Variants in PLXNA1 observed in about 807,000 individuals in gnomAD.
The protein encoded by PLXNA1 is plexin A1.
In PLXNA1, 77 loss-of-function variants were observed where a neutral mutation model predicts 191.7. The ratio of observed to expected loss-of-function variants is 0.40; its 90% CI spans 0.33 to 0.49. The LOEUF (loss-of-function observed/expected upper bound fraction) is 0.49, where lower values mean the gene tolerates loss of function less well. Among genes scored for constraint, PLXNA1 ranks in the 20% least tolerant of loss-of-function variants. The pLI is 0.63. For synonymous variants in PLXNA1, 1,137 were observed against 1,156.4 expected (o/e 0.98, Z 0.34); for missense variants, 2,110 against 2,660.2 (o/e 0.79, Z 4.55).
In PLXNA1 at chr3:127,035,512, G is replaced by A. The variant is rs1252923591; in HGVS notation, c.*1495G>A. On this transcript the variant is annotated 3_prime_UTR_variant, in exon 32 of 32. Coordinates refer to ENST00000393409, the MANE Select transcript of PLXNA1 (RefSeq NM_032242.4). ...AGCCTCTGGGGTGCCGCGGCACCAC[G>A]GGGCATGCATGATTGTGCTAGCGTT... The A allele has an allele frequency of 6.6e-6, 1 of 152,518 alleles. No homozygotes were observed. The highest frequency in any genetic ancestry group is 1.5e-5 in the Non-Finnish European group (1 of 68,018). 9.4% of individuals were successfully genotyped at this position (152,518 alleles called of 1,614,324 possible). A position where few individuals can be genotyped will look rare whatever the true frequency, so the allele number is the denominator to read the frequency against.
chr3:127,017,548 C>G lies in PLXNA1; in HGVS notation c.3400C>G (p.Arg1134Gly), dbSNP rs199655040. 33 of 1,613,596 alleles carry G rather than the reference C, an allele frequency of 2.0e-5. No individual in the cohort carries two copies. The highest frequency in any genetic ancestry group is 4.4e-5 in the South Asian group (4 of 91,088). ...GCTGGGCTTCGTCATGGACAACGTG[C>G]GCTCCCTGCTTGTGCTCAACTCCAC... ...DELGFVMDNV[R>G]SLLVLNSTSF... The change falls in exon 18 of 32, where the codon CGC becomes GGC. Residue 1134 changes from arginine to glycine, a missense_variant. Arg to Gly is a moderately radical substitution (Grantham distance 125, BLOSUM62 -2). Coordinates refer to ENST00000393409, the MANE Select transcript of PLXNA1 (RefSeq NM_032242.4).
intron 15 of PLXNA1, among the ~76,000 whole-genome samples, chr3:127,016,292 A>T (rs2079123113): frequency 6.6e-6 from 1 of 152,080 alleles, no homozygotes; most frequent in Non-Finnish European, 1.5e-5. Flanking sequence ...CGGGTCCCAA[A>T]TGCCAGGCTG....
At chr3:127,016,772 C>T in intron 16 of PLXNA1, 88 bp downstream of exon 16, 1 of 1,491,770 alleles carries the variant, frequency 6.7e-7, no homozygotes, top group Non-Finnish European at 9.3e-7. Context: ...TTGGCGGTGG[C>T]CCTCCTGCAT....
chr3:127,029,617 A>G (rs1221384457), intron 27 of PLXNA1, 81 bp downstream of exon 27: 1 of 1,459,216 alleles, frequency 6.9e-7, no homozygotes, highest in Non-Finnish European at 9.6e-7. Flanking sequence ...CCCACGCTGC[A>G]GCAGCCGGAC....
At chr3:126,988,454 G>A in intron 1 of PLXNA1, 67 bp from the exon 2 acceptor site, 1 of 802,700 alleles carries the variant, frequency 1.2e-6, no homozygotes. Flanking sequence ...GGCTCACACT[G>A]GGAGATCATA....
chr3:126,991,356 G>A (rs2078989145), intron 2 of PLXNA1, 28 bp from the exon 3 acceptor site: 2 of 1,609,476 alleles, frequency 1.2e-6, no homozygotes, highest in Non-Finnish European at 1.7e-6. Flanking sequence ...TGCCCGGGGA[G>A]TGGCTCTCAC....
chr3:127,025,002 G>A (rs1284588364), intron 23 of PLXNA1, among the ~76,000 whole-genome samples: 1 of 152,128 alleles, frequency 6.6e-6, no homozygotes, highest in East Asian at 1.9e-4. Context: ...CACATGCACA[G>A]TCTCCCCACT....
At chr3:127,000,729 T>C (rs2079036234) in intron 3 of PLXNA1, among the ~76,000 whole-genome samples, 1 of 152,200 alleles carries the variant, frequency 6.6e-6, no homozygotes, top group African/African-American at 2.4e-5. Context: ...CACAGACACA[T>C]GTCCTGGGGA....
intron 3 of PLXNA1, among the ~76,000 whole-genome samples, chr3:126,999,857 C>T (rs943706521): frequency 9.2e-5 from 14 of 152,130 alleles, no homozygotes; most frequent in Admixed American, 9.2e-4. Context: ...AGGGCCATGC[C>T]TGGCGTGGCC....
intron 1 of PLXNA1, among the ~76,000 whole-genome samples, chr3:126,986,894 C>T (rs1166834770): frequency 6.6e-6 from 1 of 152,196 alleles, no homozygotes; most frequent in African/African-American, 2.4e-5. Flanking sequence ...CTTCAGGCCT[C>T]AGCTTCCCCA....
chr3:127,022,265 G>T lies in PLXNA1; in HGVS notation c.4219G>T (p.Val1407Leu). The T allele has an allele frequency of 6.2e-7, 1 of 1,613,548 alleles. No homozygotes were observed. Among genetic ancestry groups the T allele is most frequent in the South Asian group, 1.1e-5 (1 of 91,074 alleles). Residue 1407 changes from valine to leucine, a missense_variant, in exon 22 of 32, where the codon GTG (valine) becomes TTG (leucine). Physicochemically the swap from Val to Leu is conservative, Grantham distance 32. Transcript: ENST00000393409. The part of the protein sequence containing the change: ...LQGEMEYATG[V>L]LKQLLSDLIE... ...GGGCGAGATGGAATACGCCACAGGC[G>T]TGCTCAAGCAGCTGCTTTCCGACCT...
chr3:127,033,120 G>A (rs969132552), intron 31 of PLXNA1, among the ~76,000 whole-genome samples: 2 of 152,238 alleles, frequency 1.3e-5, no homozygotes, highest in Non-Finnish European at 2.9e-5. Flanking sequence ...TGTGTGGGTG[G>A]TGAGCAACTT....
At chr3:127,015,500 G>A (rs1175687180) in intron 15 of PLXNA1, among the ~76,000 whole-genome samples, 180 bp downstream of exon 15, 1 of 152,210 alleles carries the variant, frequency 6.6e-6, no homozygotes, top group African/African-American at 2.4e-5. Flanking sequence ...GTAGGACTGG[G>A]CGGTGATGGG....
intron 25 of PLXNA1, 56 bp from the exon 26 acceptor site, chr3:127,028,937 T>A: frequency 7.2e-7 from 1 of 1,388,060 alleles, no homozygotes; most frequent in Non-Finnish European, 1.0e-6. Flanking sequence ...ACTGCTGTGA[T>A]GGAGGAGGGA....
intron 1 of PLXNA1, among the ~76,000 whole-genome samples, chr3:126,984,355 T>G (rs2078946957): frequency 6.6e-6 from 1 of 152,220 alleles, no homozygotes; most frequent in Admixed American, 6.5e-5. Context: ...CTCCTGTGGC[T>G]CAGGCTGCTC....
chr3:127,018,554 G>T (rs1265980975), intron 20 of PLXNA1, 26 bp downstream of exon 20: 23 of 1,570,254 alleles, frequency 1.5e-5, no homozygotes, highest in Non-Finnish European at 2.0e-5. Flanking sequence ...GGCTCACTGG[G>T]GCAACTGCCA....
chr3:127,017,604 G>A lies in PLXNA1; in HGVS notation c.3456G>A (p.Leu1152=). The A allele has an allele frequency of 6.2e-7, 1 of 1,613,670 alleles. No homozygotes were observed. The highest frequency in any genetic ancestry group is 1.3e-5 in the African/African-American group (1 of 75,034). ...TSFLYYPDPV[L]EPLSPTGLLE... Reference sequence around the variant, plus strand: ...TCCTCTACTACCCTGACCCCGTACTGGAGCCACTCAGCCCCACTGGCCTGC... The same window carrying A: ...TCCTCTACTACCCTGACCCCGTACTAGAGCCACTCAGCCCCACTGGCCTGC... The change falls in exon 18 of 32, where the codon CTG becomes CTA. Residue 1152 remains leucine, a synonymous_variant. Transcript: ENST00000393409.
At chr3:126,989,873 G>A in intron 2 of PLXNA1, 86 bp downstream of exon 2, 3 of 1,190,422 alleles carry the variant, frequency 2.5e-6, no homozygotes, top group South Asian at 1.4e-5. Flanking sequence ...GCCCAGTGGT[G>A]CCTGCTGTGT....
chr3:126,996,166 C>T (rs756191357), intron 3 of PLXNA1, among the ~76,000 whole-genome samples: 6 of 152,180 alleles, frequency 3.9e-5, no homozygotes, highest in Non-Finnish European at 7.3e-5. Flanking sequence ...CCCTGAGCTT[C>T]GGGAATGGTG....
Sources: allele counts gnomAD v4.1 joint callset (sites outside exome capture counted in the v4.1 genomes callset), GRCh38; gene constraint gnomAD v4.1.1; transcripts MANE v1.5; gene names NCBI Gene and HGNC (gene_info 2026-07-23, HGNC 2026-07-21).